The following RFX3 variants were observed in gnomAD, a reference collection of about 807,000 sequenced individuals.
RFX3 encodes transcription factor RFX3.
Under a neutral mutation model 98.6 loss-of-function variants are expected in RFX3, and 14 were observed. The observed-to-expected ratio is 0.14, with a 90% CI of 0.09 to 0.22. RFX3 has a LOEUF of 0.22. Among genes scored for constraint, RFX3 ranks in the 10% least tolerant of loss-of-function variants. RFX3 has a pLI of 1.00. For missense variants in RFX3, 639 were observed against 926.9 expected, an observed-to-expected ratio of 0.69 and a Z score of 4.03; for synonymous variants, 383 against 328.4, an observed-to-expected ratio of 1.17 and a Z score of -1.80.
intron 2 of RFX3, among the ~76,000 whole-genome samples, chr9:3,370,572 C>T (rs548716643): frequency 6.6e-6 from 1 of 151,704 alleles, no homozygotes; most frequent in Non-Finnish European, 1.5e-5. Flanking sequence ...GAGATTGGGA[C>T]GAGCCAGAGG....
intron 3 of RFX3, among the ~76,000 whole-genome samples, chr9:3,341,942 T>G (rs1419755000): frequency 2.0e-5 from 3 of 152,170 alleles, no homozygotes; most frequent in African/African-American, 7.2e-5. Context: ...GAAGAAAGCA[T>G]AATTTCACCT....
chr9:3,471,663 C>A (rs1055878468), intron 1 of RFX3, among the ~76,000 whole-genome samples: 1 of 152,170 alleles, frequency 6.6e-6, no homozygotes, highest in African/African-American at 2.4e-5. Flanking sequence ...AATTCTCACC[C>A]AGATTTTGAA....
intron 4 of RFX3, among the ~76,000 whole-genome samples, chr9:3,305,601 G>C (rs1026356626): frequency 6.6e-6 from 1 of 151,990 alleles, no homozygotes; most frequent in Non-Finnish European, 1.5e-5. Flanking sequence ...AAATTACAAA[G>C]ATATGAAGGA....
At chr9:3,258,240 A>G (rs369401149) in intron 13 of RFX3, among the ~76,000 whole-genome samples, 30 of 152,240 alleles carry the variant, frequency 2.0e-4, no homozygotes, top group African/African-American at 7.0e-4. Flanking sequence ...GTCAAGATAG[A>G]TTTCTTTGGA....
intron 4 of RFX3, among the ~76,000 whole-genome samples, chr9:3,314,247 C>A (rs1830304849): frequency 6.6e-6 from 1 of 152,058 alleles, no homozygotes; most frequent in South Asian, 2.1e-4. Flanking sequence ...AATTTTCAAA[C>A]CAGAATTTCA....
intron 1 of RFX3, among the ~76,000 whole-genome samples, chr9:3,472,646 C>CGT (rs1848874958): frequency 6.6e-6 from 1 of 152,116 alleles, no homozygotes; most frequent in Admixed American, 6.5e-5. Flanking sequence ...TTCAATCTAT[C>CGT]GTAAGGATTT....
chr9:3,396,338 G>C (rs919186537), intron 1 of RFX3, among the ~76,000 whole-genome samples: 2 of 152,036 alleles, frequency 1.3e-5, no homozygotes, highest in Non-Finnish European at 2.9e-5. Flanking sequence ...ATGGTTTCCA[G>C]CTTCATCCGT....
At chr9:3,525,627 G>A (rs1426867538) in intron 1 of RFX3, 120 bp downstream of exon 1, 1 of 154,010 alleles carries the variant, frequency 6.5e-6, no homozygotes, top group African/African-American at 2.4e-5. Context: ...CCCGTGTCAG[G>A]AGTGAGACCC....
In RFX3 at chr9:3,226,350, A is replaced by T. The variant is rs139852908; in HGVS notation, c.2012-1070T>A. ...TGCTAATGCAGCTGTCTCTATAAAC[A>T]AGGCCCCTTGACTTTTCTTATTTCA... On this transcript the variant is annotated intron_variant, in intron 16 of 16. Coordinates refer to ENST00000617270, the MANE Select transcript of RFX3 (RefSeq NM_001282116.2). Among the ~76,000 whole-genome samples, 1,195 of 152,328 alleles carry T rather than the reference A, an allele frequency of 7.8e-3. 19 individuals carry two copies. Among genetic ancestry groups the T allele is most frequent in the African/African-American group, 0.027 (1,140 of 41,584 alleles).
chr9:3,439,968 T>TA lies in RFX3; in HGVS notation c.-8-44373dup, dbSNP rs1213694487. On this transcript the variant is annotated intron_variant, in intron 1 of 16. Transcript: ENST00000617270. The stretch of plus-strand genomic sequence containing the variant: ...GTTTGTTTAGGGTTTCGGACCACCT[T>TA]AAATGTAATCTACCATACTAAGAAA... Among the ~76,000 whole-genome samples the TA allele has an allele frequency of 2.6e-5, 4 of 152,154 alleles. No homozygotes were observed. The East Asian group carries it at 7.7e-4, about 29-fold the overall frequency.
At chr9:3,393,323 T>C (rs999221260) in intron 2 of RFX3, among the ~76,000 whole-genome samples, 1 of 152,138 alleles carries the variant, frequency 6.6e-6, no homozygotes, top group Non-Finnish European at 1.5e-5. Context: ...TGAGTCTTTA[T>C]ACTATTATAT....
At chr9:3,286,250 C>G (rs1054448638) in intron 7 of RFX3, among the ~76,000 whole-genome samples, 1 of 151,756 alleles carries the variant, frequency 6.6e-6, no homozygotes, top group Non-Finnish European at 1.5e-5. Context: ...AAAAAGCAAT[C>G]ATAACCCAAA....
chr9:3,251,092 G>C (rs1312210352), intron 14 of RFX3, among the ~76,000 whole-genome samples: 2 of 152,108 alleles, frequency 1.3e-5, no homozygotes, highest in African/African-American at 4.8e-5. Flanking sequence ...ATAAGGGAAT[G>C]TTTAAATAAT....
At chr9:3,477,321 C>T (rs1849358231) in intron 1 of RFX3, among the ~76,000 whole-genome samples, 1 of 152,102 alleles carries the variant, frequency 6.6e-6, no homozygotes, top group Admixed American at 6.6e-5. Context: ...TAAAATTTAC[C>T]ATTAAGTGTC....
chr9:3,286,781 G>T (rs79550329), intron 7 of RFX3, among the ~76,000 whole-genome samples: 3,205 of 151,920 alleles, frequency 0.021, 116 homozygotes, highest in African/African-American at 0.073. Flanking sequence ...CCACCTCCTT[G>T]ATTCTCCTTC....
chr9:3,285,800 C>A (rs1471301310), intron 7 of RFX3, among the ~76,000 whole-genome samples: 2 of 151,672 alleles, frequency 1.3e-5, no homozygotes, highest in South Asian at 2.1e-4. Context: ...ATTCTTATAT[C>A]ATTTCTGAAA....
chr9:3,386,355 G>A (rs1400772367), intron 2 of RFX3, among the ~76,000 whole-genome samples: 1 of 151,736 alleles, frequency 6.6e-6, no homozygotes, highest in African/African-American at 2.4e-5. Flanking sequence ...ACATATTAAA[G>A]GCTTATTATA....
chr9:3,236,061 G>A (rs564752893), intron 15 of RFX3, among the ~76,000 whole-genome samples: 8 of 152,070 alleles, frequency 5.3e-5, no homozygotes, highest in Admixed American at 5.2e-4. Flanking sequence ...AGCTATTTGG[G>A]ACATAGCAAT....
intron 6 of RFX3, among the ~76,000 whole-genome samples, chr9:3,289,817 T>A (rs1827106828): frequency 6.6e-6 from 1 of 152,106 alleles, no homozygotes; most frequent in Non-Finnish European, 1.5e-5. Context: ...AACAGTGATT[T>A]GATTTACTTT....
Sources: gnomAD v4.1 joint callset for allele counts (sites outside exome capture counted in the v4.1 genomes callset) on GRCh38, gnomAD v4.1.1 for gene constraint, MANE v1.5 for transcripts, NCBI Gene and HGNC (gene_info 2026-07-23, HGNC 2026-07-21) for gene names.